Variants in RHOT1 observed in about 807,000 individuals in gnomAD.
RHOT1 encodes ras homolog family member T1.
A neutral mutation model predicts 95.3 loss-of-function variants in RHOT1; 27 were observed. That is an observed-to-expected ratio of 0.28 (90% CI 0.21 to 0.39). RHOT1 has a LOEUF of 0.39. RHOT1 is among the 10% of genes least tolerant of loss of function. The pLI, the probability that RHOT1 is intolerant of heterozygous loss-of-function variation, is 1.00. For missense variants in RHOT1, 578 were observed against 786.7 expected (o/e 0.73, Z 3.17); for synonymous variants, 227 against 263.5 (o/e 0.86, Z 1.34).
intron 10 of RHOT1, among the ~76,000 whole-genome samples, chr17:32,193,453 G>A (rs2036646239): frequency 6.6e-6 from 1 of 152,158 alleles, no homozygotes; most frequent in South Asian, 2.1e-4. Context: ...TAGAGGTAGG[G>A]AAATTGGTTG....
At chr17:32,159,142 G>A (rs1440624804) in intron 1 of RHOT1, among the ~76,000 whole-genome samples, 1 of 152,188 alleles carries the variant, frequency 6.6e-6, no homozygotes, top group African/African-American at 2.4e-5. Flanking sequence ...GCTGGGACTC[G>A]TGGGGCCAGC....
intron 19 of RHOT1, among the ~76,000 whole-genome samples, chr17:32,223,312 T>C (rs879745811): frequency 1.3e-5 from 2 of 152,206 alleles, no homozygotes; most frequent in Non-Finnish European, 2.9e-5. Context: ...CCTTGGTCTT[T>C]TAATGATATC....
intron 8 of RHOT1, among the ~76,000 whole-genome samples, chr17:32,190,464 A>AT (rs1176951715): frequency 1.3e-5 from 2 of 152,130 alleles, no homozygotes; most frequent in Non-Finnish European, 2.9e-5. Flanking sequence ...CAAAAAAAAA[A>AT]GGAGAAAAGT....
chr17:32,193,458 T>C (rs142522048), intron 10 of RHOT1, among the ~76,000 whole-genome samples: 1 of 152,260 alleles, frequency 6.6e-6, no homozygotes, highest in East Asian at 1.9e-4. Flanking sequence ...GTAGGGAAAT[T>C]GGTTGGATCT....
intron 1 of RHOT1, among the ~76,000 whole-genome samples, chr17:32,148,695 G>A (rs1205150817): frequency 1.3e-5 from 2 of 152,154 alleles, no homozygotes; most frequent in Non-Finnish European, 2.9e-5. Flanking sequence ...AATAACTTAG[G>A]AAGAGCCAAC....
rs570071996 is a variant in RHOT1, at chr17:32,186,623, C to T, written c.540+3351C>T. On this transcript the variant is annotated intron_variant, in intron 8 of 19. Transcript: ENST00000545287. ...CTCGTGATCCGCCCGCCTCGGCCCC[C>T]CAAAGTGCTGGGATTACAGGCGTGA... Among the ~76,000 whole-genome samples the T allele has an allele frequency of 2.0e-5, 3 of 152,178 alleles. No homozygotes were observed. In the South Asian group the frequency reaches 6.2e-4, roughly 32 times the overall value.
At chr17:32,219,725 C>T (rs1257256739) in intron 19 of RHOT1, among the ~76,000 whole-genome samples, 1 of 152,176 alleles carries the variant, frequency 6.6e-6, no homozygotes, top group Non-Finnish European at 1.5e-5. Context: ...ATTAATGGGC[C>T]TTCAGCACTT....
chr17:32,157,561 A>G (rs2033087846), intron 1 of RHOT1, among the ~76,000 whole-genome samples: 1 of 152,090 alleles, frequency 6.6e-6, no homozygotes, highest in African/African-American at 2.4e-5. Flanking sequence ...CCTATAATCC[A>G]TTTGGGAGGT....
intron 8 of RHOT1, among the ~76,000 whole-genome samples, chr17:32,187,199 A>G (rs917968361): frequency 6.6e-6 from 1 of 152,108 alleles, no homozygotes; most frequent in South Asian, 2.1e-4. Flanking sequence ...AGGCACGAGA[A>G]TCATTTGAAT....
At chr17:32,165,261 C>G (rs1030535301) in intron 1 of RHOT1, among the ~76,000 whole-genome samples, 1 of 141,138 alleles carries the variant, frequency 7.1e-6, no homozygotes, top group Non-Finnish European at 1.5e-5. Context: ...GGCGTAAACC[C>G]AAGAGGCAGA....
At chr17:32,196,327 A>G in intron 11 of RHOT1, among the ~76,000 whole-genome samples, 1 of 151,994 alleles carries the variant, frequency 6.6e-6, no homozygotes, top group East Asian at 1.9e-4. Flanking sequence ...AGTAGCTGGG[A>G]CTACAGGCAC....
At chr17:32,201,519 T>C (rs2037317970) in intron 14 of RHOT1, among the ~76,000 whole-genome samples, 1 of 152,214 alleles carries the variant, frequency 6.6e-6, no homozygotes, top group African/African-American at 2.4e-5. Context: ...GTTTCTTATA[T>C]CCCTGTTGGT....
chr17:32,170,432 T>C (rs1273837050), intron 1 of RHOT1, among the ~76,000 whole-genome samples: 2 of 152,142 alleles, frequency 1.3e-5, no homozygotes, highest in Non-Finnish European at 2.9e-5. Flanking sequence ...AAAAGAGATT[T>C]AAAAAAATAT....
chr17:32,199,608 T>TGGACGTG, intron 13 of RHOT1, 58 bp downstream of exon 13: 1 of 1,413,002 alleles, frequency 7.1e-7, no homozygotes, highest in Non-Finnish European at 9.5e-7. Flanking sequence ...AATTATGGTG[T>TGGACGTG]ATTACATTTG....
intron 1 of RHOT1, among the ~76,000 whole-genome samples, chr17:32,148,507 C>T (rs182868749): frequency 7.8e-4 from 118 of 152,170 alleles, no homozygotes; most frequent in Non-Finnish European, 1.3e-3. Flanking sequence ...GTGTTGATCT[C>T]GTTTGAAGGA....
intron 1 of RHOT1, among the ~76,000 whole-genome samples, chr17:32,169,087 C>T (rs760497471): frequency 1.6e-4 from 24 of 152,286 alleles, no homozygotes; most frequent in Non-Finnish European, 2.6e-4. Flanking sequence ...CCTCTACCAG[C>T]GGTACTCGGT....
intron 10 of RHOT1, among the ~76,000 whole-genome samples, chr17:32,193,606 T>C (rs1193498957): frequency 6.6e-6 from 1 of 152,206 alleles, no homozygotes; most frequent in East Asian, 1.9e-4. Flanking sequence ...AATTTACCAG[T>C]ATAGAATGTT....
rs551151153 is a variant in RHOT1, at chr17:32,214,894, C to CTTTTTT, written c.1862+3681_1862+3686dup. ...GAAAGAGCAGTTCTAAAAGGCTTGT[C>CTTTTTT]TTTTTTTTTTTTTTTTTTTTTTTTT... On this transcript the variant is annotated intron_variant, in intron 19 of 19. Transcript: ENST00000545287. Among the ~76,000 whole-genome samples the CTTTTTT allele has an allele frequency of 2.6e-3, 137 of 52,838 alleles. 10 individuals carry two copies. Among genetic ancestry groups the CTTTTTT allele is most frequent in the Non-Finnish European group, 3.3e-3 (95 of 28,388 alleles). The allele number at this position is 52,838 out of a possible 152,430, so 34.7% of individuals were successfully genotyped here.
intron 1 of RHOT1, among the ~76,000 whole-genome samples, chr17:32,168,609 TATATA>T (rs1332249155): frequency 2.0e-5 from 3 of 148,476 alleles, no homozygotes; most frequent in African/African-American, 4.9e-5. Flanking sequence ...ATATATGTAA[TATATA>T]ATATTTATAT....
Sources: gnomAD v4.1 joint callset for allele counts (sites outside exome capture counted in the v4.1 genomes callset) on GRCh38, gnomAD v4.1.1 for gene constraint, MANE v1.5 for transcripts, NCBI Gene and HGNC (gene_info 2026-07-23, HGNC 2026-07-21) for gene names.